STARD13: variants seen among roughly 807,000 people sequenced by gnomAD.
The protein encoded by STARD13 is StAR related lipid transfer domain containing 13.
A neutral mutation model predicts 106.4 loss-of-function variants in STARD13; 62 were observed. The observed-to-expected ratio is 0.58, with a 90% CI of 0.48 to 0.72. STARD13 has a LOEUF of 0.72. Ranked by LOEUF, STARD13 falls within the 30% of genes least tolerant of loss-of-function variation. The pLI is 0.00. For missense variants in STARD13, 1,387 were observed against 1,424.0 expected, an observed-to-expected ratio of 0.97 and a Z score of 0.42; for synonymous variants, 565 against 553.0, an observed-to-expected ratio of 1.02 and a Z score of -0.31.
intron 3 of STARD13, among the ~76,000 whole-genome samples, chr13:33,155,048 G>C (rs1240519559): frequency 6.6e-6 from 1 of 151,980 alleles, no homozygotes; most frequent in Non-Finnish European, 1.5e-5. Context: ...TCTCCTCACT[G>C]TCCCAGCTGT....
rs767449466 is a variant in STARD13, at chr13:33,285,596, A to G, written c.43T>C (p.Tyr15His). Residue 15 changes from tyrosine (Y) to histidine (H), a missense_variant, in exon 1 of 14, where the codon TAC (tyrosine) becomes CAC (histidine). Coordinates refer to ENST00000336934, the MANE Select transcript of STARD13 (RefSeq NM_178006.4). ...CCCTCAGGTGTCATGGAATTTAGGT[A>G]GTAGCAGCCTGAGGCTGGGGTCCTG... The part of the protein sequence containing the change: ...VPRTPASGCY[Y>H]LNSMTPEGQE... The G allele has an allele frequency of 6.2e-7, 1 of 1,613,790 alleles. No homozygotes were observed. The highest frequency in any genetic ancestry group is 1.3e-5 in the African/African-American group (1 of 74,914).
chr13:33,460,878 TTCATACAATGAGATACTAC>T, the STARD13 span, among the ~76,000 whole-genome samples: 1 of 152,242 alleles, frequency 6.6e-6, no homozygotes, highest in South Asian at 2.1e-4. Context: ...GTGTGTGCTA[TTCATACAATGAGATACTAC>T]TCTGTAATAA....
chr13:33,216,626 G>A (rs1291922054), intron 1 of STARD13, among the ~76,000 whole-genome samples: 1 of 152,098 alleles, frequency 6.6e-6, no homozygotes, highest in Non-Finnish European at 1.5e-5. Context: ...ATACTGCTAG[G>A]GTGACAGGTG....
intron 1 of STARD13, among the ~76,000 whole-genome samples, chr13:33,193,835 A>G (rs556574271): frequency 6.6e-5 from 10 of 152,362 alleles, no homozygotes; most frequent in African/African-American, 2.4e-4. Flanking sequence ...AGTCATCTGT[A>G]CTATTAATTG....
rs961817166 is a variant in STARD13, at chr13:33,229,144, T to A, written c.169+56326A>T. 4.6e-5 allele frequency among the ~76,000 whole-genome samples: 7 copies of A among 152,162 alleles called. No homozygotes were observed. In the South Asian group the frequency reaches 1.5e-3, roughly 32 times the overall value. On this transcript the variant is annotated intron_variant, in intron 1 of 13. Coordinates refer to ENST00000336934, the MANE Select transcript of STARD13 (RefSeq NM_178006.4). ...ATGGGCTTCTAGATCTTCAAATGCATACTCAATCTAAAAGGCATGCAACCA... is the reference window on the plus strand; with the variant it reads ...ATGGGCTTCTAGATCTTCAAATGCAAACTCAATCTAAAAGGCATGCAACCA...
At chr13:33,564,800 T>C in the STARD13 span, among the ~76,000 whole-genome samples, 1 of 146,350 alleles carries the variant, frequency 6.8e-6, no homozygotes, top group South Asian at 2.2e-4. Flanking sequence ...GAGACCATCC[T>C]GGCTAACACG....
chr13:33,564,049 G>T, the STARD13 span, among the ~76,000 whole-genome samples: 2 of 145,082 alleles, frequency 1.4e-5, 1 homozygote, highest in Non-Finnish European at 3.0e-5. Context: ...AAATTAGCCG[G>T]GTGTGGTGGT....
chr13:33,616,277 G>A, the STARD13 span, among the ~76,000 whole-genome samples: 1 of 151,872 alleles, frequency 6.6e-6, no homozygotes, highest in African/African-American at 2.4e-5. Flanking sequence ...GCAGGGAAGG[G>A]AAGAGAAGGG....
At chr13:33,533,694 A>G in the STARD13 span, among the ~76,000 whole-genome samples, 29 of 152,212 alleles carry the variant, frequency 1.9e-4, no homozygotes, top group Non-Finnish European at 3.4e-4. Flanking sequence ...GCAAATTTAA[A>G]CCAAAGCCTT....
the STARD13 span, among the ~76,000 whole-genome samples, chr13:33,618,575 A>G: frequency 1.3e-5 from 2 of 151,650 alleles, no homozygotes; most frequent in Non-Finnish European, 3.0e-5. Context: ...GATATTGAGG[A>G]TACAAATTAA....
At chr13:33,231,290 G>A (rs951720680) in intron 1 of STARD13, among the ~76,000 whole-genome samples, 1 of 152,196 alleles carries the variant, frequency 6.6e-6, no homozygotes, top group African/African-American at 2.4e-5. Context: ...AGATTTTCAG[G>A]ACAGCAGGGC....
At chr13:33,506,023 AG>A in the STARD13 span, among the ~76,000 whole-genome samples, 1 of 152,174 alleles carries the variant, frequency 6.6e-6, no homozygotes, top group Non-Finnish European at 1.5e-5. Flanking sequence ...CACAAGTCAA[AG>A]CAGTGTCCCC....
chr13:33,301,558 CTTTT>C (rs1435191465), intron 1 of STARD13, among the ~76,000 whole-genome samples: 2 of 13,040 alleles, frequency 1.5e-4, no homozygotes, highest in Non-Finnish European at 3.5e-4. Flanking sequence ...GTTTCTTTTT[CTTTT>C]TTTTTCTTTT....
the STARD13 span, among the ~76,000 whole-genome samples, chr13:33,673,743 A>G: frequency 5.9e-5 from 9 of 151,966 alleles, no homozygotes; most frequent in East Asian, 1.7e-3. Context: ...GGGTTTTGCC[A>G]TGTTAGCCAG....
chr13:33,492,861 C>T, the STARD13 span, among the ~76,000 whole-genome samples: 1 of 152,114 alleles, frequency 6.6e-6, no homozygotes, highest in African/African-American at 2.4e-5. Context: ...GATCCAGGAA[C>T]TCTCTCTTGG....
intron 3 of STARD13, among the ~76,000 whole-genome samples, chr13:33,153,476 G>A (rs1163341666): frequency 1.3e-5 from 2 of 152,178 alleles, no homozygotes; most frequent in African/African-American, 4.8e-5. Context: ...GCGACTGTGT[G>A]CCGGGAGGGA....
chr13:33,201,084 TAAA>T (rs1195479573), intron 1 of STARD13, among the ~76,000 whole-genome samples: 2 of 149,690 alleles, frequency 1.3e-5, no homozygotes, highest in African/African-American at 5.0e-5. Context: ...AATAAAAAAA[TAAA>T]AAATAAAAAA....
chr13:33,342,808 A>G (rs1168561343), intron 1 of STARD13, among the ~76,000 whole-genome samples: 3 of 152,254 alleles, frequency 2.0e-5, no homozygotes, highest in Non-Finnish European at 4.4e-5. Context: ...ATTTAGAAAT[A>G]ATGTTGCTCT....
chr13:33,129,814 C>T lies in STARD13; in HGVS notation c.863G>A (p.Gly288Glu). 6.2e-7 allele frequency: 1 copy of T among 1,613,366 alleles called. No homozygotes were observed. The highest frequency in any genetic ancestry group is 8.5e-7 in the Non-Finnish European group (1 of 1,180,028). Residue 288 changes from glycine (G) to glutamate (E), a missense_variant, in exon 5 of 14, where the codon GGG (glycine) becomes GAG (glutamate). Gly to Glu is a moderately conservative substitution (Grantham distance 98). Transcript: ENST00000336934. The part of the protein sequence containing the change: ...SGRTGGLVIS[G>E]PMLQQEPESF... ...CTCTGGCTCCTGCTGCAACATGGGCCCACTGATCACCAGGCCACCTGTCCG... is the reference window on the plus strand; with the variant it reads ...CTCTGGCTCCTGCTGCAACATGGGCTCACTGATCACCAGGCCACCTGTCCG...
Sources: allele counts gnomAD v4.1 joint callset (sites outside exome capture counted in the v4.1 genomes callset), GRCh38; gene constraint gnomAD v4.1.1; transcripts MANE v1.5; gene names NCBI Gene and HGNC (gene_info 2026-07-23, HGNC 2026-07-21).